ARHGEF7: variants seen among roughly 807,000 people sequenced by gnomAD.
ARHGEF7 encodes Rho guanine nucleotide exchange factor 7.
A neutral mutation model predicts 109.8 loss-of-function variants in ARHGEF7; 33 were observed. The ratio of observed to expected loss-of-function variants is 0.30; its 90% CI spans 0.23 to 0.40. The LOEUF (loss-of-function observed/expected upper bound fraction) is 0.40. ARHGEF7 is among the 10% of genes least tolerant of loss of function. ARHGEF7 has a pLI of 1.00. For missense variants in ARHGEF7, 938 were observed against 1,098.5 expected (o/e 0.85, Z 2.07); for synonymous variants, 458 against 424.6 (o/e 1.08, Z -0.97).
intron 2 of ARHGEF7, among the ~76,000 whole-genome samples, chr13:111,197,544 G>T (rs1484546052): frequency 6.6e-6 from 1 of 152,174 alleles, no homozygotes; most frequent in Non-Finnish European, 1.5e-5. Context: ...AAGATGTTAT[G>T]CCCCCAAAAT....
intron 5 of ARHGEF7, among the ~76,000 whole-genome samples, chr13:111,220,299 G>A (rs1170371259): frequency 1.3e-5 from 2 of 152,212 alleles, no homozygotes; most frequent in Admixed American, 6.5e-5. Flanking sequence ...TGCTAAGTGG[G>A]ACGCACCTTT....
At chr13:111,120,384 C>T (rs925707250) in intron 1 of ARHGEF7, among the ~76,000 whole-genome samples, 20 of 152,352 alleles carry the variant, frequency 1.3e-4, no homozygotes, top group South Asian at 2.1e-4. Context: ...TACATGCACA[C>T]TTGCACATGC....
chr13:111,234,976 G>GT (rs1461228438), intron 6 of ARHGEF7, among the ~76,000 whole-genome samples: 1 of 152,206 alleles, frequency 6.6e-6, no homozygotes, highest in Non-Finnish European at 1.5e-5. Flanking sequence ...CTTATGTGTA[G>GT]TTTTGTGTAC....
intron 2 of ARHGEF7, among the ~76,000 whole-genome samples, chr13:111,194,723 A>C (rs2080290696): frequency 1.3e-5 from 2 of 152,224 alleles, no homozygotes; most frequent in Admixed American, 1.3e-4. Context: ...AGTGGCCTAG[A>C]TCTTGGGCCA....
intron 14 of ARHGEF7, 80 bp from the exon 15 acceptor site, chr13:111,280,458 A>C: frequency 1.9e-6 from 3 of 1,581,710 alleles, no homozygotes; most frequent in Non-Finnish European, 2.6e-6. Flanking sequence ...TTAAGCGCTG[A>C]GTGGAATTCT....
intron 8 of ARHGEF7, chr13:111,265,742 T>C (rs2153582058): frequency 2.2e-6 from 1 of 455,568 alleles, no homozygotes; most frequent in African/African-American, 2.0e-5. Flanking sequence ...GTTGTGAGGA[T>C]GCAGCCCTCA....
At chr13:111,192,094 T>G (rs1291032713) in intron 2 of ARHGEF7, among the ~76,000 whole-genome samples, 4 of 152,176 alleles carry the variant, frequency 2.6e-5, no homozygotes, top group Non-Finnish European at 5.9e-5. Context: ...GATATTTCCT[T>G]CCAAAACAGG....
At chr13:111,246,556 A>G (rs1024254325) in intron 8 of ARHGEF7, among the ~76,000 whole-genome samples, 1 of 152,258 alleles carries the variant, frequency 6.6e-6, no homozygotes, top group African/African-American at 2.4e-5. Context: ...GAATATTATT[A>G]GAAACCGTAA....
At chr13:111,171,859 A>G (rs895832226) in intron 2 of ARHGEF7, among the ~76,000 whole-genome samples, 2 of 152,184 alleles carry the variant, frequency 1.3e-5, no homozygotes, top group South Asian at 4.1e-4. Context: ...GTGCTCATAT[A>G]AAAGAGGCCT....
chr13:111,171,378 C>T (rs2077579493), intron 2 of ARHGEF7, among the ~76,000 whole-genome samples: 1 of 152,104 alleles, frequency 6.6e-6, no homozygotes, highest in Non-Finnish European at 1.5e-5. Flanking sequence ...TGTGGCTGCT[C>T]AGTGCTGGAT....
At chr13:111,179,048 A>G (rs1380298839) in intron 2 of ARHGEF7, among the ~76,000 whole-genome samples, 1 of 149,526 alleles carries the variant, frequency 6.7e-6, no homozygotes. Context: ...CCCTTCTCAC[A>G]GGTCACCAGC....
intron 2 of ARHGEF7, among the ~76,000 whole-genome samples, chr13:111,164,194 A>C (rs924373557): frequency 4.6e-5 from 7 of 152,208 alleles, no homozygotes; most frequent in Non-Finnish European, 1.0e-4. Flanking sequence ...TGCAGAGAAG[A>C]TGGCAGTTCC....
chr13:111,297,376 C>T (rs1268129047), intron 19 of ARHGEF7, among the ~76,000 whole-genome samples: 1 of 152,202 alleles, frequency 6.6e-6, no homozygotes, highest in Non-Finnish European at 1.5e-5. Context: ...CAACATTTTC[C>T]ACCTTACATT....
intron 2 of ARHGEF7, among the ~76,000 whole-genome samples, chr13:111,160,361 A>T (rs2076651427): frequency 6.6e-6 from 1 of 151,466 alleles, no homozygotes. Context: ...TTCCATGTGA[A>T]TTTCAGGATT....
At chr13:111,168,674 T>C (rs1380489251) in intron 2 of ARHGEF7, among the ~76,000 whole-genome samples, 1 of 152,072 alleles carries the variant, frequency 6.6e-6, no homozygotes, top group African/African-American at 2.4e-5. Context: ...CAGAAAAAAA[T>C]CACAGAATCA....
In ARHGEF7 at chr13:111,288,451, T is replaced by A; in HGVS notation, c.2134+8T>A. On this transcript the variant is annotated splice_region_variant and intron_variant, in intron 18 of 21. Transcript: ENST00000646102. ...GGCAAACACTCAATTCAAGTAAGTT[T>A]AGCAATAAGGCCTGGGAAGTGTGGT... The A allele has an allele frequency of 6.2e-7, 1 of 1,603,556 alleles. No individual in the cohort carries two copies. Among genetic ancestry groups the A allele is most frequent in the South Asian group, 1.1e-5 (1 of 90,782 alleles).
chr13:111,221,628 A>T (rs4773335), intron 5 of ARHGEF7, among the ~76,000 whole-genome samples: 1 of 102,110 alleles, frequency 9.8e-6, no homozygotes, highest in East Asian at 2.4e-4. Context: ...ATGTATATAT[A>T]TATGTATCTC....
chr13:111,291,521 G>C (rs368138131), intron 18 of ARHGEF7, among the ~76,000 whole-genome samples: 1 of 152,260 alleles, frequency 6.6e-6, no homozygotes. Flanking sequence ...TCTGCCCTCT[G>C]AGTTCTCACA....
intron 8 of ARHGEF7, chr13:111,265,368 T>G (rs2091526469): frequency 2.8e-6 from 1 of 353,314 alleles, no homozygotes; most frequent in African/African-American, 2.1e-5. Context: ...TAAAAAATGG[T>G]TGAAAAACAG....
Sources: allele counts gnomAD v4.1 joint callset (sites outside exome capture counted in the v4.1 genomes callset), GRCh38; gene constraint gnomAD v4.1.1; transcripts MANE v1.5; gene names NCBI Gene and HGNC (gene_info 2026-07-23, HGNC 2026-07-21).